EGFLAM: variants seen among roughly 807,000 people sequenced by gnomAD.
EGFLAM encodes the protein EGF like, fibronectin type III and laminin G domains, also known as pikachurin.
A neutral mutation model predicts 113.1 loss-of-function variants in EGFLAM; 79 were observed. The observed-to-expected ratio is 0.70, with a 90% CI of 0.58 to 0.84. The LOEUF (loss-of-function observed/expected upper bound fraction) is 0.84, where lower values mean the gene tolerates loss of function less well. EGFLAM is among the 40% of genes least tolerant of loss of function. The pLI is 0.00. For synonymous variants in EGFLAM, 504 were observed against 487.6 expected (o/e 1.03, Z -0.44); for missense variants, 1,265 against 1,291.6 (o/e 0.98, Z 0.32).
At chr5:38,388,822 G>A (rs1273166014) in intron 6 of EGFLAM, among the ~76,000 whole-genome samples, 2 of 150,546 alleles carry the variant, frequency 1.3e-5, no homozygotes, top group East Asian at 2.0e-4. Flanking sequence ...CAGCTACTCA[G>A]GAGGATCATT....
intron 1 of EGFLAM, among the ~76,000 whole-genome samples, chr5:38,314,665 A>G (rs1001548105): frequency 4.6e-5 from 7 of 152,182 alleles, no homozygotes; most frequent in Admixed American, 3.3e-4. Context: ...TGTATTCCAT[A>G]TGAAGCCTTA....
chr5:38,359,525 A>G (rs775294742), intron 5 of EGFLAM, among the ~76,000 whole-genome samples: 6 of 152,188 alleles, frequency 3.9e-5, no homozygotes, highest in Admixed American at 6.5e-5. Flanking sequence ...AAATACAAAA[A>G]TTAGCCGGGT....
chr5:38,354,805 G>A (rs1471599045), intron 5 of EGFLAM, among the ~76,000 whole-genome samples: 1 of 152,194 alleles, frequency 6.6e-6, no homozygotes, highest in East Asian at 1.9e-4. Flanking sequence ...GCAAAGGTAA[G>A]CATTATTTAC....
chr5:38,278,417 C>G (rs1168009077), intron 1 of EGFLAM, among the ~76,000 whole-genome samples: 1 of 151,896 alleles, frequency 6.6e-6, no homozygotes, highest in Non-Finnish European at 1.5e-5. Flanking sequence ...AGACTTAAAT[C>G]TAAGACCCAA....
At chr5:38,359,400 C>T (rs1000647670) in intron 5 of EGFLAM, among the ~76,000 whole-genome samples, 3 of 152,126 alleles carry the variant, frequency 2.0e-5, no homozygotes, top group South Asian at 2.1e-4. Context: ...CCATTGGCCG[C>T]GCGCAGTGGC....
At chr5:38,282,258 C>G (rs917127108) in intron 1 of EGFLAM, 1 of 151,914 alleles carries the variant, frequency 6.6e-6, no homozygotes, top group Non-Finnish European at 1.5e-5. Flanking sequence ...GAACTTAAGA[C>G]AAAGATTTGA....
At chr5:38,352,475 C>T (rs965000529) in intron 5 of EGFLAM, 144 bp downstream of exon 5, 14 of 1,072,066 alleles carry the variant, frequency 1.3e-5, no homozygotes, top group African/African-American at 1.1e-4. Flanking sequence ...GGTGAAACCC[C>T]GTCTCTACTA....
chr5:38,344,466 A>G (rs911383583), intron 3 of EGFLAM, among the ~76,000 whole-genome samples: 1 of 140,854 alleles, frequency 7.1e-6, no homozygotes, highest in South Asian at 2.3e-4. Context: ...CTGGGCAACA[A>G]GAGTGAAACT....
At chr5:38,272,499 A>G (rs186066730) in intron 1 of EGFLAM, among the ~76,000 whole-genome samples, 1 of 152,226 alleles carries the variant, frequency 6.6e-6, no homozygotes, top group Admixed American at 6.5e-5. Context: ...TAACTGTGAG[A>G]TCATAAGTAA....
chr5:38,377,711 A>G (rs1446702141), intron 6 of EGFLAM, among the ~76,000 whole-genome samples: 1 of 152,224 alleles, frequency 6.6e-6, no homozygotes, highest in African/African-American at 2.4e-5. Flanking sequence ...TGTGGTATAA[A>G]TAAGGAAAAG....
chr5:38,424,535 G>A (rs1741936121), intron 12 of EGFLAM, among the ~76,000 whole-genome samples: 1 of 152,128 alleles, frequency 6.6e-6, no homozygotes. Flanking sequence ...AACCAACAAG[G>A]CAGCAGCACT....
intron 14 of EGFLAM, 132 bp from the exon 15 acceptor site, chr5:38,431,045 G>T (rs751003603): frequency 4.0e-6 from 3 of 753,216 alleles, no homozygotes; most frequent in Non-Finnish European, 6.5e-6. Flanking sequence ...TAAGTTTACT[G>T]ATTCAGATGC....
At chr5:38,272,147 T>C (rs1046505972) in intron 1 of EGFLAM, among the ~76,000 whole-genome samples, 1 of 152,152 alleles carries the variant, frequency 6.6e-6, no homozygotes, top group African/African-American at 2.4e-5. Flanking sequence ...ATTGGAATAG[T>C]GGGGTTTTAA....
At chr5:38,312,712 A>C (rs898860925) in intron 1 of EGFLAM, among the ~76,000 whole-genome samples, 1 of 152,230 alleles carries the variant, frequency 6.6e-6, no homozygotes, top group Non-Finnish European at 1.5e-5. Context: ...CACCTGACAC[A>C]GTCAAAACTC....
chr5:38,341,232 A>C (rs1739328033), intron 3 of EGFLAM, among the ~76,000 whole-genome samples: 1 of 152,210 alleles, frequency 6.6e-6, no homozygotes, highest in South Asian at 2.1e-4. Flanking sequence ...CATACTTGGC[A>C]CTGGGTAATT....
At chr5:38,323,248 A>G (rs1738786962) in intron 1 of EGFLAM, among the ~76,000 whole-genome samples, 2 of 152,252 alleles carry the variant, frequency 1.3e-5, no homozygotes, top group African/African-American at 2.4e-5. Context: ...AACTAATTGA[A>G]TCAGAGATGA....
intron 6 of EGFLAM, 102 bp downstream of exon 6, chr5:38,370,564 A>C: frequency 2.2e-6 from 3 of 1,392,398 alleles, no homozygotes; most frequent in Non-Finnish European, 2.9e-6. Flanking sequence ...GACAGCCTGG[A>C]AAAGGGCTAA....
chr5:38,375,207 T>C (rs1329053746), intron 6 of EGFLAM, among the ~76,000 whole-genome samples: 1 of 152,174 alleles, frequency 6.6e-6, no homozygotes, highest in Non-Finnish European at 1.5e-5. Context: ...ATATGTGCAC[T>C]GAAAGTCAAC....
chr5:38,425,791 A>C (rs1741985678), intron 13 of EGFLAM, among the ~76,000 whole-genome samples: 1 of 152,220 alleles, frequency 6.6e-6, no homozygotes, highest in Admixed American at 6.5e-5. Context: ...TTTAAAGCTC[A>C]GGCTCATGCT....
Sources: allele counts gnomAD v4.1 joint callset (sites outside exome capture counted in the v4.1 genomes callset), GRCh38; gene constraint gnomAD v4.1.1; transcripts MANE v1.5; gene names NCBI Gene and HGNC (gene_info 2026-07-23, HGNC 2026-07-21).